STAP1: variants seen among roughly 807,000 people sequenced by gnomAD.
The protein encoded by STAP1 is signal-transducing adaptor protein 1.
In STAP1, 30 loss-of-function variants were observed where a neutral mutation model predicts 37.8. That is an observed-to-expected ratio of 0.79 (90% CI 0.59 to 1.08). STAP1 has a LOEUF of 1.08. Ranked by LOEUF, STAP1 falls within the 50% of genes least tolerant of loss-of-function variation. The pLI is 0.00. For missense variants in STAP1, 357 were observed against 349.4 expected, an observed-to-expected ratio of 1.02 and a Z score of -0.17; for synonymous variants, 130 against 116.0, an observed-to-expected ratio of 1.12 and a Z score of -0.78.
At chr4:67,588,031 C>G (rs1577761231) in intron 6 of STAP1, among the ~76,000 whole-genome samples, 1 of 68,008 alleles carries the variant, frequency 1.5e-5, no homozygotes, top group Admixed American at 2.2e-4. Context: ...GCTGGGGACA[C>G]ATTTTCTTAA....
rs144140083 is a variant in STAP1, at chr4:67,593,226, A to C, written c.730-34A>C. Reference sequence around the variant, plus strand: ...CTCTTACTCTATACTTATGCAGGTGATGCTGAGTTTTCTCTCACTCTCTAT... The same window carrying C: ...CTCTTACTCTATACTTATGCAGGTGCTGCTGAGTTTTCTCTCACTCTCTAT... On this transcript the variant is annotated intron_variant, in intron 7 of 8. Transcript: ENST00000265404. The C allele has an allele frequency of 3.0e-4, 438 of 1,477,192 alleles. 2 individuals are homozygous for C. The African/African-American group carries it at 5.2e-3, about 18-fold the overall frequency. The allele number at this position is 1,477,192 out of a possible 1,614,324, so 91.5% of individuals were successfully genotyped here.
chr4:67,578,529 G>A (rs1727777092), intron 4 of STAP1, among the ~76,000 whole-genome samples: 1 of 151,334 alleles, frequency 6.6e-6, no homozygotes, highest in South Asian at 2.1e-4. Flanking sequence ...CTTCTGAGAG[G>A]GAGAGGAAGG....
chr4:67,599,046 T>G (rs1728282893), intron 8 of STAP1, among the ~76,000 whole-genome samples: 1 of 152,254 alleles, frequency 6.6e-6, no homozygotes, highest in African/African-American at 2.4e-5. Context: ...GAGTCATCCT[T>G]GTATCCCAGG....
Position 67,572,889 on chromosome 4 carries a change from G to A in STAP1, c.192+1734G>A, listed in dbSNP as rs113334431. Among the ~76,000 whole-genome samples the A allele has an allele frequency of 3.0e-3, 457 of 152,298 alleles. 4 individuals are homozygous for A. The highest frequency in any genetic ancestry group is 0.01 in the African/African-American group (436 of 41,566). On this transcript the variant is annotated intron_variant, in intron 2 of 8. Transcript: ENST00000265404. Reference sequence around the variant, plus strand: ...TTGTACAAGGTTAGATAGGTAATACGAAAGGTACAATCCAGGTCTTGCTCC... The same window carrying A: ...TTGTACAAGGTTAGATAGGTAATACAAAAGGTACAATCCAGGTCTTGCTCC...
intron 4 of STAP1, among the ~76,000 whole-genome samples, chr4:67,579,113 C>T (rs1019470492): frequency 6.6e-6 from 1 of 152,144 alleles, no homozygotes; most frequent in African/African-American, 2.4e-5. Context: ...CTCGGCCTCC[C>T]AAAGTGCTGG....
chr4:67,564,425 A>G (rs999477069), intron 1 of STAP1, among the ~76,000 whole-genome samples: 5 of 152,142 alleles, frequency 3.3e-5, no homozygotes, highest in Non-Finnish European at 5.9e-5. Flanking sequence ...CGATAGTGCA[A>G]TGGAGGTCTG....
chr4:67,567,894 C>T (rs6552108), intron 1 of STAP1, among the ~76,000 whole-genome samples: 74,938 of 152,038 alleles, frequency 0.49, 19,409 homozygotes, highest in Non-Finnish European at 0.59. Context: ...TCAGAAAGGC[C>T]GTCAGCCAAC....
chr4:67,583,502 G>T (rs2109866440), intron 5 of STAP1, 72 bp from the exon 6 acceptor site: 2 of 1,453,096 alleles, frequency 1.4e-6, no homozygotes, highest in Non-Finnish European at 9.2e-7. Flanking sequence ...AGTTATTTTG[G>T]TAGTATTTTT....
In STAP1 at chr4:67,575,452, G is replaced by T; in HGVS notation, c.260G>T (p.Cys87Phe). 6.2e-7 allele frequency: 1 copy of T among 1,609,090 alleles called. No individual in the cohort carries two copies. Among genetic ancestry groups the T allele is most frequent in the Non-Finnish European group, 8.5e-7 (1 of 1,178,472 alleles). Residue 87 changes from cysteine to phenylalanine, a missense_variant, in exon 3 of 9, where the codon TGT becomes TTT. Cys to Phe is a radical substitution (Grantham distance 205, BLOSUM62 -2). Coordinates refer to ENST00000265404, the MANE Select transcript of STAP1 (RefSeq NM_012108.4). ...GAGCAGAATTCAACTGAAAAGAACT[G>T]TGCGAAATTCACCCTTGTTTTGCCG... is the stretch of plus-strand genomic sequence containing the variant. ...LTEQNSTEKNCAKFTLVLPKE... is the reference protein window; with the variant it reads ...LTEQNSTEKNFAKFTLVLPKE...
chr4:67,558,883 C>A lies in STAP1; in HGVS notation c.74C>A (p.Pro25His). 6.2e-7 allele frequency: 1 copy of A among 1,613,586 alleles called. No individual in the cohort carries two copies. The highest frequency in any genetic ancestry group is 8.5e-7 in the Non-Finnish European group (1 of 1,179,656). ...FQERLKITALPLYFEGFLLIK... is the reference protein window; with the variant it reads ...FQERLKITALHLYFEGFLLIK... ...GAAAGGTTAAAGATTACTGCTCTACCTTTGTACTTTGAAGGTTTTTTATTA... is the reference window on the plus strand; with the variant it reads ...GAAAGGTTAAAGATTACTGCTCTACATTTGTACTTTGAAGGTTTTTTATTA... The change falls in exon 1 of 9, where the codon CCT (proline) becomes CAT (histidine). Residue 25 changes from proline (P) to histidine (H), a missense_variant. Transcript: ENST00000265404.
chr4:67,588,445 T>C (rs1156323543), intron 6 of STAP1, among the ~76,000 whole-genome samples: 2 of 152,134 alleles, frequency 1.3e-5, no homozygotes, highest in Non-Finnish European at 2.9e-5. Context: ...GGCCTCGCTC[T>C]GTCTCACAGG....
intron 8 of STAP1, among the ~76,000 whole-genome samples, chr4:67,605,537 G>A (rs1225070475): frequency 6.6e-6 from 1 of 152,116 alleles, no homozygotes; most frequent in Non-Finnish European, 1.5e-5. Context: ...TATAGGGACT[G>A]GGGAATGACA....
chr4:67,573,370 G>C (rs1298167463), intron 2 of STAP1, among the ~76,000 whole-genome samples: 2 of 152,184 alleles, frequency 1.3e-5, no homozygotes, highest in Non-Finnish European at 2.9e-5. Flanking sequence ...AGTGAGGTTA[G>C]ACAGATGACC....
intron 6 of STAP1, among the ~76,000 whole-genome samples, chr4:67,584,572 A>G (rs1282795721): frequency 6.6e-6 from 1 of 152,212 alleles, no homozygotes; most frequent in Non-Finnish European, 1.5e-5. Context: ...TAGAGTGGTC[A>G]AGGAAGACCT....
intron 2 of STAP1, 113 bp from the exon 3 acceptor site, chr4:67,575,272 T>A: frequency 3.2e-6 from 2 of 622,362 alleles, no homozygotes; most frequent in Non-Finnish European, 5.3e-6. Flanking sequence ...AACCAGGATA[T>A]CATACAAAGT....
At chr4:67,575,603 A>T in intron 3 of STAP1, 105 bp downstream of exon 3, 1 of 820,434 alleles carries the variant, frequency 1.2e-6, no homozygotes, top group Non-Finnish European at 1.9e-6. Flanking sequence ...GCTAAGTCTT[A>T]CACTTTGTTA....
At chr4:67,571,237 C>A in intron 2 of STAP1, 82 bp downstream of exon 2, 4 of 966,950 alleles carry the variant, frequency 4.1e-6, no homozygotes, top group Non-Finnish European at 3.1e-6. Context: ...GGATTTTCTG[C>A]CATCCAAGAA....
chr4:67,606,251 A>C, intron 8 of STAP1, 45 bp from the exon 9 acceptor site: 2 of 1,512,656 alleles, frequency 1.3e-6, no homozygotes, highest in Non-Finnish European at 9.1e-7. Context: ...ACCGTTTTCT[A>C]CAATATTGGT....
chr4:67,594,015 T>C (rs28415052), intron 8 of STAP1, among the ~76,000 whole-genome samples: 23,115 of 152,128 alleles, frequency 0.15, 3,018 homozygotes, highest in African/African-American at 0.35. Flanking sequence ...TTACACACCC[T>C]TGAAACTGGC....
Sources: allele counts gnomAD v4.1 joint callset (sites outside exome capture counted in the v4.1 genomes callset), GRCh38; gene constraint gnomAD v4.1.1; transcripts MANE v1.5; gene names NCBI Gene and HGNC (gene_info 2026-07-23, HGNC 2026-07-21).